Variants in PBX3 observed in about 807,000 individuals in gnomAD.
The protein encoded by PBX3 is pre-B-cell leukemia transcription factor 3.
In PBX3, 14 loss-of-function variants were observed where a neutral mutation model predicts 48.5. The observed-to-expected ratio is 0.29, with a 90% CI of 0.19 to 0.45. The LOEUF (loss-of-function observed/expected upper bound fraction) is 0.45. Ranked by LOEUF, PBX3 falls within the 20% of genes least tolerant of loss-of-function variation. The probability of loss-of-function intolerance (pLI) is 1.00; values close to 1 mark genes in which losing one functional copy is unlikely to be tolerated. For missense variants in PBX3, 386 were observed against 546.7 expected, an observed-to-expected ratio of 0.71 and a Z score of 2.93; for synonymous variants, 210 against 200.3, an observed-to-expected ratio of 1.05 and a Z score of -0.41.
At chr9:125,956,720 T>A (rs184730718) in intron 5 of PBX3, among the ~76,000 whole-genome samples, 46 of 152,354 alleles carry the variant, frequency 3.0e-4, no homozygotes, top group Non-Finnish European at 5.3e-4. Context: ...GCCCTTTGCC[T>A]TGGGCACAAT....
At chr9:125,808,821 T>C (rs898605827) in intron 2 of PBX3, among the ~76,000 whole-genome samples, 3 of 152,216 alleles carry the variant, frequency 2.0e-5, no homozygotes, top group Non-Finnish European at 4.4e-5. Flanking sequence ...TGTTTCTGTT[T>C]AAACACATCT....
chr9:125,810,745 C>G (rs1838266514), intron 2 of PBX3, among the ~76,000 whole-genome samples: 1 of 152,178 alleles, frequency 6.6e-6, no homozygotes, highest in African/African-American at 2.4e-5. Flanking sequence ...GCCAGCCAAT[C>G]AGATGCAGTC....
At chr9:125,810,012 T>A (rs1313363340) in intron 2 of PBX3, among the ~76,000 whole-genome samples, 2 of 152,204 alleles carry the variant, frequency 1.3e-5, no homozygotes, top group Non-Finnish European at 2.9e-5. Context: ...GGGAATAGTT[T>A]GGGCACAATG....
chr9:125,755,495 T>G (rs997645921), intron 2 of PBX3, among the ~76,000 whole-genome samples: 1 of 151,972 alleles, frequency 6.6e-6, no homozygotes, highest in African/African-American at 2.4e-5. Context: ...ATTTCTTGGC[T>G]CTCTCTTAAC....
At chr9:125,777,497 A>G (rs1189035730) in intron 2 of PBX3, among the ~76,000 whole-genome samples, 2 of 150,826 alleles carry the variant, frequency 1.3e-5, no homozygotes, top group Non-Finnish European at 2.9e-5. Context: ...CTGGGACTAC[A>G]GGTGCAAGCT....
chr9:125,802,385 A>T (rs1300160016), intron 2 of PBX3, among the ~76,000 whole-genome samples: 3 of 7,882 alleles, frequency 3.8e-4, no homozygotes, highest in Non-Finnish European at 1.0e-3. Flanking sequence ...TTTTTTTTTT[A>T]AAGACAGGGT....
At chr9:125,880,630 A>T (rs1840360277) in intron 2 of PBX3, among the ~76,000 whole-genome samples, 1 of 152,042 alleles carries the variant, frequency 6.6e-6, no homozygotes, top group South Asian at 2.1e-4. Flanking sequence ...GTCTTAACTG[A>T]CATTAAAGAT....
chr9:125,955,180 C>T (rs1335986507), intron 5 of PBX3, among the ~76,000 whole-genome samples: 1 of 152,232 alleles, frequency 6.6e-6, no homozygotes. Flanking sequence ...CTATAGATCT[C>T]AGGCTCCGTT....
At chr9:125,761,827 A>G (rs1250046307) in intron 2 of PBX3, among the ~76,000 whole-genome samples, 1 of 152,176 alleles carries the variant, frequency 6.6e-6, no homozygotes, top group Non-Finnish European at 1.5e-5. Flanking sequence ...AGTTATTAGT[A>G]TAAAGAGGGT....
intron 2 of PBX3, among the ~76,000 whole-genome samples, chr9:125,779,681 C>A (rs1475655006): frequency 1.4e-5 from 2 of 140,218 alleles, no homozygotes; most frequent in Non-Finnish European, 3.0e-5. Context: ...ACACAGCAAC[C>A]ATCCGATTTC....
chr9:125,918,829 A>T (rs897116496), intron 3 of PBX3, among the ~76,000 whole-genome samples: 3 of 152,176 alleles, frequency 2.0e-5, no homozygotes, highest in African/African-American at 7.2e-5. Flanking sequence ...TTTGACCCAA[A>T]ACAGTCAACT....
chr9:125,791,945 G>A (rs1029489068), intron 2 of PBX3, among the ~76,000 whole-genome samples: 4 of 151,968 alleles, frequency 2.6e-5, no homozygotes, highest in Non-Finnish European at 5.9e-5. Context: ...TACAGCCTGT[G>A]GAACTGTGAG....
At chr9:125,789,276 AT>A (rs1314143080) in intron 2 of PBX3, among the ~76,000 whole-genome samples, 2 of 152,210 alleles carry the variant, frequency 1.3e-5, no homozygotes, top group African/African-American at 2.4e-5. Context: ...AACAGCAAAC[AT>A]TTATCATCTC....
At chr9:125,830,115 A>G (rs577484407) in intron 2 of PBX3, among the ~76,000 whole-genome samples, 1 of 152,234 alleles carries the variant, frequency 6.6e-6, no homozygotes, top group Non-Finnish European at 1.5e-5. Context: ...TGTAGAGTTC[A>G]GTATAATTTT....
chr9:125,844,012 G>A (rs1382107362), intron 2 of PBX3, among the ~76,000 whole-genome samples: 1 of 151,970 alleles, frequency 6.6e-6, no homozygotes, highest in Non-Finnish European at 1.5e-5. Flanking sequence ...AAAATGCAAA[G>A]ATTTGAGAAA....
In PBX3 at chr9:125,901,314, T is replaced by C. The variant is rs1279185892; in HGVS notation, c.275-14372T>C. 4.6e-5 allele frequency among the ~76,000 whole-genome samples: 7 copies of C among 151,864 alleles called. No homozygotes were observed. In the South Asian group the frequency reaches 1.0e-3, roughly 22 times the overall value. On this transcript the variant is annotated intron_variant, in intron 2 of 8. Transcript: ENST00000373489. ...TAGATTATTATCTAGCATTCAACTG[T>C]GTATCTGAGTTTCTTGGCTATATGA...
At chr9:125,858,750 C>T (rs1182007419) in intron 2 of PBX3, among the ~76,000 whole-genome samples, 1 of 151,638 alleles carries the variant, frequency 6.6e-6, no homozygotes, top group East Asian at 1.9e-4. Context: ...CTCAGCCTCC[C>T]GAGTAGCTGA....
intron 2 of PBX3, among the ~76,000 whole-genome samples, chr9:125,905,478 A>G (rs978939461): frequency 1.3e-5 from 2 of 152,020 alleles, no homozygotes; most frequent in Admixed American, 6.6e-5. Flanking sequence ...GATTAAATCT[A>G]TGTAGTTTTG....
chr9:125,823,177 A>C (rs1282723521), intron 2 of PBX3, among the ~76,000 whole-genome samples: 6 of 152,198 alleles, frequency 3.9e-5, no homozygotes. Flanking sequence ...TGGAGAAACG[A>C]ACATTCTCTG....
Sources: gnomAD v4.1 joint callset for allele counts (sites outside exome capture counted in the v4.1 genomes callset) on GRCh38, gnomAD v4.1.1 for gene constraint, MANE v1.5 for transcripts, NCBI Gene and HGNC (gene_info 2026-07-23, HGNC 2026-07-21) for gene names.